The following CSMD1 variants were observed in gnomAD, a reference collection of about 807,000 sequenced individuals.
The protein encoded by CSMD1 is CUB and Sushi multiple domains 1.
CSMD1 carries 213 observed loss-of-function variants against 417.5 expected under a neutral mutation model. The observed-to-expected ratio is 0.51, with a 90% CI of 0.46 to 0.57. The LOEUF (loss-of-function observed/expected upper bound fraction) is 0.57, where lower values mean the gene tolerates loss of function less well. CSMD1 is among the 20% of genes least tolerant of loss of function. The pLI is 0.00. For missense variants in CSMD1, 6,923 were observed against 4,529.7 expected, an observed-to-expected ratio of 1.53 and a Z score of -15.17; for synonymous variants, 2,862 against 1,736.8, an observed-to-expected ratio of 1.65 and a Z score of -16.11.
chr8:3,395,774 G>C (rs1811653985), intron 17 of CSMD1, among the ~76,000 whole-genome samples: 1 of 152,012 alleles, frequency 6.6e-6, no homozygotes, highest in Admixed American at 6.6e-5. Flanking sequence ...CTCAGATTCG[G>C]TACCACAAAT....
At chr8:4,867,783 T>G (rs557661255) in intron 1 of CSMD1, among the ~76,000 whole-genome samples, 2 of 152,090 alleles carry the variant, frequency 1.3e-5, no homozygotes, top group African/African-American at 4.8e-5. Context: ...AAGAGTGTTT[T>G]GATCCCTCTA....
chr8:4,693,428 A>G (rs1055383804), intron 1 of CSMD1, among the ~76,000 whole-genome samples: 2 of 152,222 alleles, frequency 1.3e-5, no homozygotes, highest in Non-Finnish European at 2.9e-5. Flanking sequence ...TGTCAGCCTC[A>G]ATATTCCAAA....
chr8:4,053,112 C>G (rs1022938782), intron 3 of CSMD1, among the ~76,000 whole-genome samples: 4 of 152,086 alleles, frequency 2.6e-5, no homozygotes, highest in Non-Finnish European at 4.4e-5. Context: ...TACGAGGACC[C>G]CTTGCCCAGG....
At chr8:4,361,500 A>G (rs1426808056) in intron 3 of CSMD1, among the ~76,000 whole-genome samples, 2 of 152,150 alleles carry the variant, frequency 1.3e-5, no homozygotes, top group Admixed American at 6.5e-5. Context: ...TACAGATTAG[A>G]AGACGGAGGC....
At chr8:4,249,896 T>C (rs1469841147) in intron 3 of CSMD1, among the ~76,000 whole-genome samples, 2 of 152,148 alleles carry the variant, frequency 1.3e-5, no homozygotes, top group Admixed American at 1.3e-4. Context: ...AATGAGGCAG[T>C]GCTAGAAGCT....
chr8:3,550,290 T>A (rs1798855167), intron 10 of CSMD1, among the ~76,000 whole-genome samples: 1 of 152,150 alleles, frequency 6.6e-6, no homozygotes, highest in African/African-American at 2.4e-5. Flanking sequence ...CTCTCCTGTT[T>A]TCTCCAATAA....
chr8:2,983,243 G>A (rs912427150), intron 54 of CSMD1, among the ~76,000 whole-genome samples: 3 of 151,966 alleles, frequency 2.0e-5, no homozygotes, highest in African/African-American at 7.3e-5. Flanking sequence ...CTGGAGTGCA[G>A]TGGCACAATC....
intron 2 of CSMD1, among the ~76,000 whole-genome samples, chr8:4,532,315 A>C (rs1054271681): frequency 5.5e-5 from 8 of 145,986 alleles, no homozygotes; most frequent in African/African-American, 2.1e-4. Context: ...CCAGAAAAGA[A>C]ATCCTGCACC....
chr8:4,304,841 T>G (rs1798159416), intron 3 of CSMD1, among the ~76,000 whole-genome samples: 1 of 152,246 alleles, frequency 6.6e-6, no homozygotes, highest in Admixed American at 6.5e-5. Flanking sequence ...ACTTTTGTCT[T>G]GAGACCCTAT....
At chr8:4,428,312 C>G (rs1356115792) in intron 2 of CSMD1, among the ~76,000 whole-genome samples, 2 of 152,184 alleles carry the variant, frequency 1.3e-5, no homozygotes, top group African/African-American at 2.4e-5. Flanking sequence ...TCACATCTAA[C>G]GAGTCCCAAC....
At chr8:3,162,063 G>C in intron 38 of CSMD1, 96 bp downstream of exon 38, 1 of 762,834 alleles carries the variant, frequency 1.3e-6, no homozygotes, top group Admixed American at 2.2e-5. Flanking sequence ...AACTGAGTGA[G>C]GAAAACATGG....
At chr8:3,892,013 G>T (rs1019774282) in intron 5 of CSMD1, among the ~76,000 whole-genome samples, 1 of 122,840 alleles carries the variant, frequency 8.1e-6, no homozygotes, top group African/African-American at 3.1e-5. Context: ...TCACCAACAT[G>T]ATAGTCGCAA....
intron 2 of CSMD1, among the ~76,000 whole-genome samples, chr8:4,480,718 G>A (rs902000214): frequency 1.3e-5 from 2 of 152,146 alleles, no homozygotes; most frequent in Non-Finnish European, 2.9e-5. Context: ...CAACCACCTG[G>A]TATAGAATCC....
chr8:3,438,357 G>A (rs933579491), intron 12 of CSMD1, among the ~76,000 whole-genome samples: 1 of 152,138 alleles, frequency 6.6e-6, no homozygotes, highest in East Asian at 1.9e-4. Flanking sequence ...AAACAGGTGA[G>A]ATACAGAACA....
chr8:3,048,282 T>C (rs1484000713), intron 50 of CSMD1, among the ~76,000 whole-genome samples: 1 of 152,004 alleles, frequency 6.6e-6, no homozygotes, highest in East Asian at 1.9e-4. Flanking sequence ...AATTACCAAA[T>C]TATATTAAAT....
intron 3 of CSMD1, among the ~76,000 whole-genome samples, chr8:4,077,124 T>C (rs1224308129): frequency 6.6e-6 from 1 of 151,690 alleles, no homozygotes; most frequent in Non-Finnish European, 1.5e-5. Context: ...GTGATGAGTA[T>C]GATGAAGTCA....
chr8:4,367,148 G>A lies in CSMD1; in HGVS notation c.415+52805C>T, dbSNP rs141763574. On this transcript the variant is annotated intron_variant, in intron 3 of 69. Transcript: ENST00000635120. Reference sequence around the variant, plus strand: ...CCAATGTTCAGAATGGTATTTCTTAGGTTGTTTTCTATGATTTTAATTGTG... The same window carrying A: ...CCAATGTTCAGAATGGTATTTCTTAAGTTGTTTTCTATGATTTTAATTGTG... Among the ~76,000 whole-genome samples the A allele has an allele frequency of 2.6e-5, 4 of 152,142 alleles. No individual in the cohort carries two copies. The East Asian group carries it at 7.7e-4, about 29-fold the overall frequency.
intron 3 of CSMD1, among the ~76,000 whole-genome samples, chr8:4,319,811 T>G (rs991602278): frequency 6.6e-6 from 1 of 152,092 alleles, no homozygotes; most frequent in Admixed American, 6.6e-5. Context: ...AAGAGATGTG[T>G]AGAGGACCCT....
At chr8:4,868,303 G>A (rs1290806742) in intron 1 of CSMD1, among the ~76,000 whole-genome samples, 9 of 151,958 alleles carry the variant, frequency 5.9e-5, no homozygotes. Flanking sequence ...GCGCGATCTC[G>A]GCTCAGTGAA....
Sources: allele counts gnomAD v4.1 joint callset (sites outside exome capture counted in the v4.1 genomes callset), GRCh38; gene constraint gnomAD v4.1.1; transcripts MANE v1.5; gene names NCBI Gene and HGNC (gene_info 2026-07-23, HGNC 2026-07-21).